Variants in OSBP2 observed in about 807,000 individuals in gnomAD.
OSBP2 encodes the protein oxysterol binding protein 2.
Under a neutral mutation model 96.0 loss-of-function variants are expected in OSBP2, and 66 were observed. The observed-to-expected ratio is 0.69, with a 90% confidence interval of 0.56 to 0.84. The LOEUF (loss-of-function observed/expected upper bound fraction) is 0.84. Among genes scored for constraint, OSBP2 ranks in the 40% least tolerant of loss-of-function variants. OSBP2 has a pLI of 0.00. For missense variants in OSBP2, 1,038 were observed against 1,222.7 expected (o/e 0.85, Z 2.25); for synonymous variants, 525 against 520.9 (o/e 1.01, Z -0.11).
intron 2 of OSBP2, among the ~76,000 whole-genome samples, chr22:30,825,634 A>G (rs2038384925): frequency 6.6e-6 from 1 of 152,208 alleles, no homozygotes; most frequent in Admixed American, 6.5e-5. Flanking sequence ...ATGCACATGT[A>G]CAGATCTGTG....
intron 13 of OSBP2, 59 bp from the exon 14 acceptor site, chr22:30,906,138 C>G (rs3804084): frequency 0.33 from 538,071 of 1,610,324 alleles, 94,302 homozygotes; most frequent in East Asian, 0.63. Context: ...GCCGCAGGGA[C>G]GGATTCCGGG....
intron 2 of OSBP2, among the ~76,000 whole-genome samples, chr22:30,762,288 G>A (rs1006559487): frequency 6.0e-5 from 9 of 150,026 alleles, no homozygotes; most frequent in East Asian, 2.0e-4. Flanking sequence ...GGTGGCTCAC[G>A]CCTGTAATCT....
chr22:30,900,287 T>C, intron 12 of OSBP2, among the ~76,000 whole-genome samples: 2 of 151,264 alleles, frequency 1.3e-5, no homozygotes, highest in East Asian at 3.9e-4. Flanking sequence ...GCATATAACA[T>C]CAAGGACCTT....
chr22:30,694,257 G>T (rs79925406), upstream of OSBP2: 3 of 1,549,748 alleles, frequency 1.9e-6, no homozygotes, highest in Admixed American at 2.0e-5. Context: ...GGCATGAACC[G>T]TAGGCCAGCT....
intron 3 of OSBP2, among the ~76,000 whole-genome samples, chr22:30,875,986 A>G (rs564282592): frequency 1.1e-3 from 161 of 152,372 alleles, no homozygotes; most frequent in Non-Finnish European, 1.9e-3. Context: ...CAGGGCCGCC[A>G]GCTCACATGC....
At chr22:30,837,440 G>A (rs1414215151) in intron 2 of OSBP2, among the ~76,000 whole-genome samples, 1 of 152,110 alleles carries the variant, frequency 6.6e-6, no homozygotes, top group Non-Finnish European at 1.5e-5. Flanking sequence ...GAAGGAGGTG[G>A]GCCATTCTAC....
intron 2 of OSBP2, among the ~76,000 whole-genome samples, chr22:30,807,600 C>T (rs2090945948): frequency 6.6e-6 from 1 of 152,204 alleles, no homozygotes; most frequent in African/African-American, 2.4e-5. Flanking sequence ...CACACAGCAG[C>T]TGGGCCTGCT....
At chr22:30,850,640 C>T (rs1194188726) in intron 2 of OSBP2, among the ~76,000 whole-genome samples, 1 of 152,094 alleles carries the variant, frequency 6.6e-6, no homozygotes, top group African/African-American at 2.4e-5. Flanking sequence ...ACTGGGATTA[C>T]AGGTGCGTGC....
At chr22:30,740,432 A>G (rs1345291412) in intron 1 of OSBP2, among the ~76,000 whole-genome samples, 1 of 152,168 alleles carries the variant, frequency 6.6e-6, no homozygotes, top group Non-Finnish European at 1.5e-5. Context: ...CCTAAACCAT[A>G]ATTTCTAATC....
At chr22:30,732,776 A>G (rs5753298) in intron 1 of OSBP2, among the ~76,000 whole-genome samples, 26,754 of 152,164 alleles carry the variant, frequency 0.18, 3,249 homozygotes, top group East Asian at 0.4. Flanking sequence ...CAGAGGCTCA[A>G]ACCTGAGGGG....
Position 30,731,089 on chromosome 22 carries a change from G to A in OSBP2, c.645-10072G>A, listed in dbSNP as rs553866695. ...CTCGGGAGGCTGAGGGAGGAGAATC[G>A]CTTGAACCCAGGAGGTGGAGGTTGC... On this transcript the variant is annotated intron_variant, in intron 1 of 13. Coordinates refer to ENST00000332585, the MANE Select transcript of OSBP2 (RefSeq NM_030758.4). 7.3e-5 allele frequency among the ~76,000 whole-genome samples: 11 copies of A among 151,724 alleles called. No individual in the cohort carries two copies. The South Asian group carries it at 2.3e-3, about 32-fold the overall frequency.
At chr22:30,790,230 C>G (rs2090652967) in intron 2 of OSBP2, among the ~76,000 whole-genome samples, 1 of 151,812 alleles carries the variant, frequency 6.6e-6, no homozygotes, top group Admixed American at 6.6e-5. Flanking sequence ...ACAGGGATTC[C>G]GGGTTCAGGA....
intron 3 of OSBP2, 91 bp from the exon 4 acceptor site, chr22:30,887,335 T>G: frequency 2.8e-6 from 3 of 1,083,516 alleles, no homozygotes; most frequent in Admixed American, 1.9e-5. Flanking sequence ...CCAGCTCCTG[T>G]TTAAGGTGGA....
At chr22:30,745,666 CAAA>C (rs71328868) in intron 2 of OSBP2, among the ~76,000 whole-genome samples, 12 of 58,644 alleles carry the variant, frequency 2.0e-4, no homozygotes, top group African/African-American at 3.9e-4. Context: ...GACTCTGTCT[CAAA>C]AAAAAAAAAA....
intron 2 of OSBP2, among the ~76,000 whole-genome samples, chr22:30,838,340 G>A (rs1302873412): frequency 6.6e-6 from 1 of 152,182 alleles, no homozygotes; most frequent in African/African-American, 2.4e-5. Flanking sequence ...TTAATTCCCT[G>A]AGGATAAGAA....
rs749934295 is a variant in OSBP2, at chr22:30,893,652, G to A, written c.2109G>A (p.Glu703=). The part of the protein sequence containing the change: ...KLWIDQSGDI[E]IVNHKTNDRC... ...TCCTTCGCCAGTCAGGGGACATCGA[G>A]ATTGTGAACCATAAGACCAATGACC... is the stretch of plus-strand genomic sequence containing the variant. Residue 703 remains glutamate, a synonymous_variant, in exon 11 of 14, where the codon GAG becomes GAA. Coordinates refer to ENST00000332585, the MANE Select transcript of OSBP2 (RefSeq NM_030758.4). 1 of 1,614,090 alleles carries A rather than the reference G, an allele frequency of 6.2e-7. No homozygotes were observed. The highest frequency in any genetic ancestry group is 1.3e-5 in the African/African-American group (1 of 74,942).
At chr22:30,883,885 G>C (rs1433937730) in intron 3 of OSBP2, among the ~76,000 whole-genome samples, 1 of 152,190 alleles carries the variant, frequency 6.6e-6, no homozygotes, top group Non-Finnish European at 1.5e-5. Flanking sequence ...TCTGTTTTCA[G>C]GGTCCTCACT....
At chr22:30,850,649 G>A (rs1213193809) in intron 2 of OSBP2, among the ~76,000 whole-genome samples, 2 of 152,044 alleles carry the variant, frequency 1.3e-5, no homozygotes, top group African/African-American at 4.8e-5. Flanking sequence ...ACAGGTGCGT[G>A]CCATCATGCC....
chr22:30,893,076 G>A (rs774031195), intron 8 of OSBP2, 46 bp from the exon 9 acceptor site: 4 of 1,605,958 alleles, frequency 2.5e-6, no homozygotes, highest in South Asian at 1.1e-5. Context: ...AGTGGAACCT[G>A]GGCTCATGTC....
Sources: allele counts gnomAD v4.1 joint callset (sites outside exome capture counted in the v4.1 genomes callset), GRCh38; gene constraint gnomAD v4.1.1; transcripts MANE v1.5; gene names NCBI Gene and HGNC (gene_info 2026-07-23, HGNC 2026-07-21).